Variants in COX10 observed in about 807,000 individuals in gnomAD.
The protein encoded by COX10 is protoheme IX farnesyltransferase, mitochondrial.
A neutral mutation model predicts 37.3 loss-of-function variants in COX10; 27 were observed. The observed-to-expected ratio is 0.72, with a 90% CI of 0.53 to 1.00. The LOEUF (loss-of-function observed/expected upper bound fraction) is 1.00, where lower values mean the gene tolerates loss of function less well. Ranked by LOEUF, COX10 falls within the 50% of genes least tolerant of loss-of-function variation. The pLI is 0.00. For missense variants in COX10, 475 were observed against 563.2 expected (o/e 0.84, Z 1.59); for synonymous variants, 222 against 229.1 (o/e 0.97, Z 0.28).
intron 5 of COX10, chr17:14,181,907 T>C (rs1905871456): frequency 1.4e-6 from 1 of 726,158 alleles, no homozygotes; most frequent in Non-Finnish European, 1.7e-6. Context: ...GATGAATTGG[T>C]GTAGCATAAT....
intron 1 of COX10, among the ~76,000 whole-genome samples, chr17:14,073,339 A>G (rs1178338632): frequency 3.9e-5 from 6 of 152,332 alleles, no homozygotes; most frequent in Admixed American, 2.0e-4. Flanking sequence ...AATTGATAAC[A>G]GGAGAGTTCA....
chr17:14,155,438 G>A (rs1026740890), intron 4 of COX10, among the ~76,000 whole-genome samples: 2 of 151,968 alleles, frequency 1.3e-5, no homozygotes, highest in Non-Finnish European at 1.5e-5. Context: ...GAGTGAGGCC[G>A]GGCACGGTGG....
intron 6 of COX10, among the ~76,000 whole-genome samples, chr17:14,198,724 C>G (rs1906441326): frequency 6.6e-6 from 1 of 152,124 alleles, no homozygotes; most frequent in South Asian, 2.1e-4. Flanking sequence ...TCCCTTATTC[C>G]TGGATGAGAA....
At chr17:14,164,350 C>T (rs1310691308) in intron 5 of COX10, among the ~76,000 whole-genome samples, 1 of 152,120 alleles carries the variant, frequency 6.6e-6, no homozygotes, top group Non-Finnish European at 1.5e-5. Flanking sequence ...ACTGTTATGC[C>T]CATGTGACTG....
At position 14,192,184 on chromosome 17, in the gene COX10, C is replaced by T. The variant is rs750702548; in HGVS notation, c.891C>T (p.Val297=). 2.5e-6 allele frequency: 4 copies of T among 1,614,256 alleles called. No individual in the cohort carries two copies. The highest frequency in any genetic ancestry group is 2.2e-5 in the South Asian group (2 of 91,088). ...CTGTGGTTGGGGCCATCCCGCCTGT[C>T]ATGGGCTGGACAGCGGCCACGGGCA... ...VGAVVGAIPP[V]MGWTAATGSL... is the part of the protein sequence containing the mutation. The change falls in exon 6 of 7, where the codon GTC becomes GTT. Residue 297 remains valine, a synonymous_variant. Transcript: ENST00000261643.
chr17:14,082,577 T>G (rs1382880711), intron 3 of COX10, among the ~76,000 whole-genome samples: 2 of 152,080 alleles, frequency 1.3e-5, no homozygotes, highest in African/African-American at 4.8e-5. Context: ...CTGGCTATTG[T>G]TGTATTATTT....
chr17:14,195,329 T>C (rs1906336441), intron 6 of COX10, among the ~76,000 whole-genome samples: 1 of 152,224 alleles, frequency 6.6e-6, no homozygotes, highest in Non-Finnish European at 1.5e-5. Context: ...GGGTTGAATA[T>C]GGTCTTATAT....
At chr17:14,136,408 C>CT (rs1053031519) in intron 4 of COX10, among the ~76,000 whole-genome samples, 2 of 151,800 alleles carry the variant, frequency 1.3e-5, no homozygotes, top group African/African-American at 2.4e-5. Flanking sequence ...TTATACATAC[C>CT]TTTTTTTAGA....
intron 3 of COX10, among the ~76,000 whole-genome samples, chr17:14,087,723 A>G (rs1449730764): frequency 6.6e-6 from 1 of 150,624 alleles, no homozygotes; most frequent in Non-Finnish European, 1.5e-5. Flanking sequence ...CTGAAACCGC[A>G]GGGCCAATGT....
At chr17:14,200,924 AG>A (rs1311766159) in intron 6 of COX10, among the ~76,000 whole-genome samples, 1 of 152,156 alleles carries the variant, frequency 6.6e-6, no homozygotes, top group East Asian at 1.9e-4. Flanking sequence ...TGACCTCTCA[AG>A]GCTGAATTAA....
rs191061157 is a variant in COX10 at position 14,095,418 on chromosome 17, G to A, written c.500-6700G>A. Among the ~76,000 whole-genome samples the A allele has an allele frequency of 2.2e-3, 328 of 152,122 alleles. 4 individuals carry two copies. The highest frequency in any genetic ancestry group is 6.8e-3 in the Middle Eastern group (2 of 294). On this transcript the variant is annotated intron_variant, in intron 3 of 6. Transcript: ENST00000261643. ...AGGCCCTCATCGCCTCCCACCTAGC[G>A]CCCTGCAGTAACCTTTAAGTGGTTC...
At position 14,102,126 on chromosome 17, in the gene COX10, G is replaced by C; in HGVS notation, c.508G>C (p.Val170Leu). Residue 170 changes from valine (V) to leucine (L), a missense_variant, in exon 4 of 7, where the codon GTA becomes CTA. By Grantham distance (32) the Val-to-Leu change is conservative. This residue lies in a region of COX10 where 242 missense variants were observed against 242.5 expected (regional missense o/e 1.00). Transcript: ENST00000261643. ...CTGTTTCTGTATCGCAGCTCTGGTT[G>C]TAAGTACCACTGCAGCTGGATTTGC... ...LSKIKLTALV[V>L]STTAAGFALA... 2 of 1,613,620 alleles carry C rather than the reference G, an allele frequency of 1.2e-6. No homozygotes were observed. Among genetic ancestry groups the C allele is most frequent in the African/African-American group, 1.3e-5 (1 of 74,968 alleles).
At chr17:14,132,200 C>A (rs1264039948) in intron 4 of COX10, among the ~76,000 whole-genome samples, 3 of 151,916 alleles carry the variant, frequency 2.0e-5, no homozygotes, top group South Asian at 2.1e-4. Flanking sequence ...TTTAAGTTTA[C>A]ACCATTTTAT....
At chr17:14,204,208 G>C (rs1243832454) in intron 6 of COX10, among the ~76,000 whole-genome samples, 1 of 152,090 alleles carries the variant, frequency 6.6e-6, no homozygotes, top group Non-Finnish European at 1.5e-5. Flanking sequence ...GTAAATGTCT[G>C]CCTGGACCCT....
At chr17:14,094,081 A>G (rs1359097732) in intron 3 of COX10, among the ~76,000 whole-genome samples, 1 of 152,178 alleles carries the variant, frequency 6.6e-6, no homozygotes, top group Non-Finnish European at 1.5e-5. Flanking sequence ...AGAGCCAAAT[A>G]TTAGACATAA....
intron 5 of COX10, among the ~76,000 whole-genome samples, chr17:14,167,596 CAT>C (rs1269962279): frequency 6.6e-6 from 1 of 152,186 alleles, no homozygotes; most frequent in Non-Finnish European, 1.5e-5. Context: ...TTAATTGACT[CAT>C]AGTTCCACAT....
At chr17:14,142,646 T>A (rs545745843) in intron 4 of COX10, among the ~76,000 whole-genome samples, 1 of 152,338 alleles carries the variant, frequency 6.6e-6, no homozygotes, top group East Asian at 1.9e-4. Flanking sequence ...TATCTTTTCT[T>A]TATTGGAAAC....
rs1906751310 is a variant in COX10, at chr17:14,207,634, T to TATAC, written c.*422_*423insTACA. The TATAC allele has an allele frequency of 6.0e-6, 1 of 165,298 alleles. No individual in the cohort carries two copies. The highest frequency in any genetic ancestry group is 2.4e-5 in the African/African-American group (1 of 41,726). The allele number at this position is 165,298 out of a possible 1,614,324, so 10.2% of individuals were successfully genotyped here. On this transcript the variant is annotated 3_prime_UTR_variant, in exon 7 of 7. Transcript: ENST00000261643. The stretch of plus-strand genomic sequence containing the variant: ...TGTGAGCCTCATGATCTGCTGTCTG[T>TATAC]AGTTCTGTGAGCTCAGGTCCCTCAA...
intron 1 of COX10, 129 bp downstream of exon 1, chr17:14,069,777 G>A: frequency 9.1e-7 from 1 of 1,096,190 alleles, no homozygotes; most frequent in Non-Finnish European, 1.4e-6. Flanking sequence ...CGGTGTGGTG[G>A]GGGAAATGAC....
Sources: allele counts gnomAD v4.1 joint callset (sites outside exome capture counted in the v4.1 genomes callset), GRCh38; gene constraint gnomAD v4.1.1; regional missense constraint gnomAD v4.1.1; transcripts MANE v1.5; gene names NCBI Gene and HGNC (gene_info 2026-07-23, HGNC 2026-07-21).